The following HEPH variants were observed in gnomAD, a reference collection of about 807,000 sequenced individuals.
HEPH encodes hephaestin.
Under a neutral mutation model 80.8 loss-of-function variants are expected in HEPH, and 69 were observed. That is an observed-to-expected ratio of 0.85 (90% CI 0.70 to 1.04). HEPH has a LOEUF of 1.04. HEPH is among the 50% of genes least tolerant of loss of function. The pLI, the probability that HEPH is intolerant of heterozygous loss-of-function variation, is 0.00. For synonymous variants in HEPH, 431 were observed against 322.8 expected (o/e 1.34, Z -3.60); for missense variants, 1,115 against 891.3 (o/e 1.25, Z -3.20).
intron 4 of HEPH, among the ~76,000 whole-genome samples, chrX:66,177,292 G>A (rs1422118986): frequency 8.9e-6 from 1 of 111,783 alleles, no homozygotes. Context: ...AGTGTCAAAA[G>A]GATTGGTACC....
intron 12 of HEPH, among the ~76,000 whole-genome samples, chrX:66,201,012 T>C (rs1469538842): frequency 1.8e-5 from 2 of 111,641 alleles, no homozygotes; most frequent in South Asian, 7.7e-4. Flanking sequence ...AGTTGGGATG[T>C]TGCTCAGCTT....
chrX:66,200,827 ATGG>A (rs2088399886), intron 12 of HEPH, 75 bp downstream of exon 12: 3 of 818,461 alleles, frequency 3.7e-6, no homozygotes, highest in South Asian at 4.9e-5. Context: ...AGAGGGAGGG[ATGG>A]TGAAGAGAAA....
intron 15 of HEPH, among the ~76,000 whole-genome samples, chrX:66,218,109 G>A (rs1322195975): frequency 9.0e-6 from 1 of 111,306 alleles, no homozygotes; most frequent in Non-Finnish European, 1.9e-5. Flanking sequence ...TCCACTGACA[G>A]CACTAGATAG....
intron 20 of HEPH, 95 bp from the exon 21 acceptor site, chrX:66,266,344 TG>T: frequency 1.7e-6 from 1 of 602,337 alleles, no homozygotes; most frequent in Non-Finnish European, 2.7e-6. Flanking sequence ...CTGTCCTATT[TG>T]GATTGACTTG....
At chrX:66,244,298 G>A (rs1039315495) in intron 15 of HEPH, among the ~76,000 whole-genome samples, 4 of 111,467 alleles carry the variant, frequency 3.6e-5, no homozygotes, top group African/African-American at 1.3e-4. Context: ...CTTTTTCAGG[G>A]TTGTCAATGA....
At chrX:66,221,587 G>C (rs766161081) in intron 15 of HEPH, among the ~76,000 whole-genome samples, 1 of 112,743 alleles carries the variant, frequency 8.9e-6, no homozygotes, top group African/African-American at 3.2e-5. Flanking sequence ...TGTTTTGAAA[G>C]CTAGGCCACT....
chrX:66,207,603 G>T (rs755649911), intron 14 of HEPH, among the ~76,000 whole-genome samples: 5 of 111,454 alleles, frequency 4.5e-5, no homozygotes, highest in Non-Finnish European at 9.4e-5. Flanking sequence ...AATGCTAGGG[G>T]CAGAATAACT....
At position 66,260,081 on chromosome X, in the gene HEPH, T is replaced by C; in HGVS notation, c.3037-19T>C. On this transcript the variant is annotated intron_variant, in intron 18 of 20. Transcript: ENST00000343002. ...TATACCCTTCACTTCCTCTCCCTCATTCCCAATCTCTCTTGCAGAATGGCG... is the reference window on the plus strand; with the variant it reads ...TATACCCTTCACTTCCTCTCCCTCACTCCCAATCTCTCTTGCAGAATGGCG... The C allele has an allele frequency of 8.3e-7, 1 of 1,200,498 alleles. No homozygotes were observed. The highest frequency in any genetic ancestry group is 2.3e-4 in the Middle Eastern group (1 of 4,315).
chrX:66,242,061 C>T (rs906308681), intron 15 of HEPH, among the ~76,000 whole-genome samples: 1 of 103,406 alleles, frequency 9.7e-6, no homozygotes, highest in African/African-American at 3.7e-5. Context: ...GTAGGCAAGA[C>T]AATCCTAAGC....
At chrX:66,240,604 CAGAGA>C (rs1273261448) in intron 15 of HEPH, among the ~76,000 whole-genome samples, 1 of 105,514 alleles carries the variant, frequency 9.5e-6, no homozygotes, top group East Asian at 3.0e-4. Context: ...CTTAAAAAAA[CAGAGA>C]AAATAAAATG....
Position 66,195,206 on chromosome X carries a change from A to G in HEPH, c.1478A>G (p.Tyr493Cys). 1 of 1,196,681 alleles carries G rather than the reference A, an allele frequency of 8.4e-7. No individual in the cohort carries two copies. The highest frequency in any genetic ancestry group is 2.3e-5 in the Admixed American group (1 of 44,356). ...CATGGGGTCTTTTATGAGAAAGACT[A>G]TGAAGGCACTGTGTACAATGATGGT... ...QPHGVFYEKD[Y>C]EGTVYNDGSS... Residue 493 changes from tyrosine to cysteine, a missense_variant, in exon 9 of 21, where the codon TAT (tyrosine) becomes TGT (cysteine). Transcript: ENST00000343002.
intron 4 of HEPH, among the ~76,000 whole-genome samples, chrX:66,179,487 T>A (rs1294671494): frequency 8.9e-6 from 1 of 112,003 alleles, no homozygotes; most frequent in African/African-American, 3.2e-5. Context: ...GTGAAGAAAG[T>A]CATTGGTACC....
intron 4 of HEPH, among the ~76,000 whole-genome samples, chrX:66,177,758 G>C (rs1056170169): frequency 1.8e-5 from 2 of 110,091 alleles, no homozygotes; most frequent in Non-Finnish European, 3.8e-5. Flanking sequence ...TCATCTCTAG[G>C]GTTTGGGTTT....
rs753402311 is a variant in HEPH, at chrX:66,209,435, G to A, written c.2563+1189G>A. Among the ~76,000 whole-genome samples the A allele has an allele frequency of 3.2e-4, 36 of 111,831 alleles. 1 individual carries two copies. The highest frequency in any genetic ancestry group is 1.2e-3 in the African/African-American group (36 of 30,787). On this transcript the variant is annotated intron_variant, in intron 15 of 20. Coordinates refer to ENST00000343002, the MANE Select transcript of HEPH (RefSeq NM_001367233.3). ...TTTGCTCATTCAAATAAGTTCTCAT[G>A]CTGCTAGTTCAGAAACTACACTTTG...
intron 15 of HEPH, among the ~76,000 whole-genome samples, chrX:66,212,293 C>G (rs767907855): frequency 9.3e-6 from 1 of 107,184 alleles, no homozygotes; most frequent in Non-Finnish European, 1.9e-5. Context: ...AGCAGGTTGT[C>G]TTTTCACTCT....
At chrX:66,258,611 A>G (rs768033303) in intron 17 of HEPH, among the ~76,000 whole-genome samples, 1 of 111,505 alleles carries the variant, frequency 9.0e-6, no homozygotes, top group Non-Finnish European at 1.9e-5. Flanking sequence ...TATTTTAAGC[A>G]GCAGAATGAT....
chrX:66,232,551 G>A (rs921869155), intron 15 of HEPH, among the ~76,000 whole-genome samples: 1 of 110,949 alleles, frequency 9.0e-6, no homozygotes, highest in African/African-American at 3.3e-5. Context: ...TGTAGTATTA[G>A]TATTGTCAGT....
At chrX:66,200,489 G>T (rs1208677229) in intron 11 of HEPH, 51 bp from the exon 12 acceptor site, 1 of 1,008,783 alleles carries the variant, frequency 9.9e-7, no homozygotes, top group South Asian at 2.2e-5. Context: ...GGCCAGTGCT[G>T]GAGTAGTCTG....
intron 15 of HEPH, among the ~76,000 whole-genome samples, chrX:66,221,822 C>T (rs946977857): frequency 3.5e-5 from 4 of 112,679 alleles, no homozygotes; most frequent in African/African-American, 1.3e-4. Context: ...AATATTGACT[C>T]AAATCCTGCA....
Sources: gnomAD v4.1 joint callset for allele counts (sites outside exome capture counted in the v4.1 genomes callset) on GRCh38, gnomAD v4.1.1 for gene constraint, MANE v1.5 for transcripts, NCBI Gene and HGNC (gene_info 2026-07-23, HGNC 2026-07-21) for gene names.